The following TCERG1L variants were observed in gnomAD, a reference collection of about 807,000 sequenced individuals.
The protein encoded by TCERG1L is transcription elongation regulator 1-like protein.
In TCERG1L, 37 loss-of-function variants were observed where a neutral mutation model predicts 56.3. The observed-to-expected ratio is 0.66, with a 90% CI of 0.51 to 0.87. The LOEUF is 0.87. Among genes scored for constraint, TCERG1L ranks in the 40% least tolerant of loss-of-function variants. The pLI is 0.00. For missense variants in TCERG1L, 799 were observed against 774.2 expected (o/e 1.03, Z -0.38); for synonymous variants, 324 against 326.3 (o/e 0.99, Z 0.08).
At chr10:131,105,666 C>T (rs1311224059) in intron 9 of TCERG1L, among the ~76,000 whole-genome samples, 1 of 152,168 alleles carries the variant, frequency 6.6e-6, no homozygotes, top group South Asian at 2.1e-4. Context: ...ATATTTAGCC[C>T]ATGCTAGGGC....
intron 4 of TCERG1L, among the ~76,000 whole-genome samples, chr10:131,199,756 C>T (rs550937765): frequency 6.6e-6 from 1 of 152,296 alleles, no homozygotes; most frequent in Admixed American, 6.5e-5. Flanking sequence ...ACCCTGTGTT[C>T]AGCAGTGCAC....
At chr10:131,198,107 C>T (rs1365832408) in intron 4 of TCERG1L, among the ~76,000 whole-genome samples, 1 of 152,174 alleles carries the variant, frequency 6.6e-6, no homozygotes, top group Non-Finnish European at 1.5e-5. Context: ...GGCGACATGC[C>T]CATGGGTGCA....
chr10:131,192,018 T>C lies in TCERG1L; in HGVS notation c.857-25133A>G, dbSNP rs567188819. Among the ~76,000 whole-genome samples, 20 of 138,680 alleles carry C rather than the reference T, an allele frequency of 1.4e-4. 3 individuals carry two copies. Among genetic ancestry groups the C allele is most frequent in the African/African-American group, 5.5e-4 (20 of 36,560 alleles). 91.0% of individuals were successfully genotyped at this position (138,680 alleles called of 152,430 possible). On this transcript the variant is annotated intron_variant, in intron 4 of 11. Coordinates refer to ENST00000368642, the MANE Select transcript of TCERG1L (RefSeq NM_174937.4). The stretch of plus-strand genomic sequence containing the variant: ...AAAGCAAATGCAACAAAACCAAAAA[T>C]AAATAAATGCGACCTTATTAAACTA...
At chr10:131,094,569 G>A (rs1440813677) in intron 11 of TCERG1L, among the ~76,000 whole-genome samples, 2 of 152,092 alleles carry the variant, frequency 1.3e-5, no homozygotes, top group Non-Finnish European at 2.9e-5. Context: ...CCTGCTCTCC[G>A]TCTGTGGGGG....
rs561243110 is a variant in TCERG1L at position 131,156,229 on chromosome 10, C to G, written c.1034+6893G>C. On this transcript the variant is annotated intron_variant, in intron 6 of 11. Transcript: ENST00000368642. ...TCCTTTCTTTTTAGAAAAGTTCTAC[C>G]AACTTCATCTCAGAACATGATTTTG... 2.0e-5 allele frequency: 3 copies of G among 152,242 alleles called. No homozygotes were observed. In the South Asian group the frequency reaches 6.2e-4, roughly 32 times the overall value. 9.4% of individuals were successfully genotyped at this position (152,242 alleles called of 1,614,324 possible). A position where few individuals can be genotyped will look rare whatever the true frequency, so the allele number is the denominator to read the frequency against.
chr10:131,233,780 T>C (rs1845879272), intron 4 of TCERG1L, among the ~76,000 whole-genome samples: 2 of 152,200 alleles, frequency 1.3e-5, no homozygotes, highest in African/African-American at 2.4e-5. Context: ...AAACGCATGA[T>C]GAAATCTGAT....
At chr10:131,146,742 A>ATACGGT in intron 6 of TCERG1L, 82 bp from the exon 7 acceptor site, 1 of 1,481,258 alleles carries the variant, frequency 6.8e-7, no homozygotes, top group Non-Finnish European at 9.1e-7. Flanking sequence ...TCACTGAAAA[A>ATACGGT]GCCCCTCAGG....
chr10:131,263,746 G>A (rs773918358), intron 3 of TCERG1L, among the ~76,000 whole-genome samples: 1 of 152,202 alleles, frequency 6.6e-6, no homozygotes, highest in East Asian at 1.9e-4. Flanking sequence ...AGTGTAAGGA[G>A]GGAATTTTCC....
intron 4 of TCERG1L, among the ~76,000 whole-genome samples, chr10:131,183,808 C>T (rs530377694): frequency 2.0e-5 from 3 of 152,226 alleles, no homozygotes; most frequent in Non-Finnish European, 2.9e-5. Context: ...TCTTCTTACA[C>T]GTGATGCTAA....
intron 9 of TCERG1L, among the ~76,000 whole-genome samples, chr10:131,110,255 T>G (rs1845397832): frequency 6.6e-6 from 1 of 152,170 alleles, no homozygotes; most frequent in Non-Finnish European, 1.5e-5. Context: ...TTGGTCATGG[T>G]CATCTGGTTC....
chr10:131,202,625 C>T (rs1180557306), intron 4 of TCERG1L, among the ~76,000 whole-genome samples: 2 of 152,134 alleles, frequency 1.3e-5, no homozygotes, highest in South Asian at 2.1e-4. Flanking sequence ...AAGTTCACTA[C>T]ATTTTGGTCT....
At chr10:131,262,839 C>A (rs994001885) in intron 3 of TCERG1L, among the ~76,000 whole-genome samples, 2 of 152,148 alleles carry the variant, frequency 1.3e-5, no homozygotes, top group African/African-American at 4.8e-5. Context: ...CCTCCCTCCC[C>A]CTAGCCCCTG....
chr10:131,112,934 G>C (rs1286823745), intron 9 of TCERG1L, among the ~76,000 whole-genome samples: 1 of 142,328 alleles, frequency 7.0e-6, no homozygotes, highest in Admixed American at 6.9e-5. Flanking sequence ...TCAATCCCTA[G>C]CGTTTAGAGG....
intron 4 of TCERG1L, among the ~76,000 whole-genome samples, chr10:131,245,643 T>C (rs1846025373): frequency 6.6e-6 from 1 of 152,184 alleles, no homozygotes; most frequent in Non-Finnish European, 1.5e-5. Flanking sequence ...GGCTCTCTGG[T>C]AACCTTCAGT....
chr10:131,121,656 C>T (rs1341200122), intron 8 of TCERG1L, among the ~76,000 whole-genome samples: 4 of 152,240 alleles, frequency 2.6e-5, no homozygotes, highest in African/African-American at 7.2e-5. Flanking sequence ...CGGCTCCACA[C>T]ACCCGTGCTC....
chr10:131,130,029 C>A (rs1409136232), intron 8 of TCERG1L, among the ~76,000 whole-genome samples: 1 of 151,862 alleles, frequency 6.6e-6, no homozygotes, highest in Non-Finnish European at 1.5e-5. Context: ...AGTCCCCTCC[C>A]CTGACACATG....
At chr10:131,242,532 GAAC>G (rs764028906) in intron 4 of TCERG1L, among the ~76,000 whole-genome samples, 5 of 152,132 alleles carry the variant, frequency 3.3e-5, no homozygotes, top group Non-Finnish European at 7.3e-5. Flanking sequence ...ACTTTCAAGG[GAAC>G]AACATCTACT....
chr10:131,311,165 G>A lies in TCERG1L; in HGVS notation c.342+129C>T, dbSNP rs986766944. 165 of 710,378 alleles carry A rather than the reference G, an allele frequency of 2.3e-4. No homozygotes were observed. Among genetic ancestry groups the A allele is most frequent in the Non-Finnish European group, 2.9e-4 (154 of 532,058 alleles). The allele number at this position is 710,378 out of a possible 1,614,324, so 44.0% of individuals were successfully genotyped here. A position where few individuals can be genotyped will look rare whatever the true frequency, so the allele number is the denominator to read the frequency against. ...GCACGGCTGCCGGGCTCCGTCCTGA[G>A]GGTTTGGGGCGGCGAGGACCGCCGG... On this transcript the variant is annotated intron_variant, in intron 1 of 11. Coordinates refer to ENST00000368642, the MANE Select transcript of TCERG1L (RefSeq NM_174937.4). This position sits in a 1 kb window ranked among gnomAD's most constrained non-coding sequence, Gnocchi z 4.0.
intron 4 of TCERG1L, among the ~76,000 whole-genome samples, chr10:131,208,330 G>A (rs1394618921): frequency 2.0e-5 from 3 of 152,180 alleles, no homozygotes; most frequent in Non-Finnish European, 2.9e-5. Flanking sequence ...CACAGAGTGC[G>A]AAGCCTCAGA....
Sources: gnomAD v4.1 joint callset for allele counts (sites outside exome capture counted in the v4.1 genomes callset) on GRCh38, gnomAD v4.1.1 for gene constraint, Gnocchi (gnomAD v3.1) non-coding constraint, MANE v1.5 for transcripts, NCBI Gene and HGNC (gene_info 2026-07-23, HGNC 2026-07-21) for gene names.